Variants in GRM3 observed in about 807,000 individuals in gnomAD.
The protein encoded by GRM3 is glutamate metabotropic receptor 3, also known as metabotropic glutamate receptor 3.
Under a neutral mutation model 70.5 loss-of-function variants are expected in GRM3, and 26 were observed. That is an observed-to-expected ratio of 0.37 (90% CI 0.27 to 0.51). GRM3 has a LOEUF of 0.51. GRM3 is among the 20% of genes least tolerant of loss of function. The pLI, the probability that GRM3 is intolerant of heterozygous loss-of-function variation, is 0.93. For missense variants in GRM3, 859 were observed against 1,123.8 expected, an observed-to-expected ratio of 0.76 and a Z score of 3.37; for synonymous variants, 443 against 434.9, an observed-to-expected ratio of 1.02 and a Z score of -0.23.
intron 3 of GRM3, among the ~76,000 whole-genome samples, chr7:86,799,267 GT>G (rs1797626674): frequency 6.6e-6 from 1 of 152,112 alleles, no homozygotes; most frequent in Admixed American, 6.5e-5. Flanking sequence ...AGACGATGAG[GT>G]TTTCTAAAGA....
intron 1 of GRM3, among the ~76,000 whole-genome samples, chr7:86,647,735 CATAAA>C (rs1029121692): frequency 3.3e-5 from 5 of 152,174 alleles, no homozygotes; most frequent in African/African-American, 1.2e-4. Context: ...AGTCTGAACA[CATAAA>C]ATGAGTATCA....
chr7:86,835,301 G>GA (rs1026763817), intron 3 of GRM3, among the ~76,000 whole-genome samples: 4 of 151,588 alleles, frequency 2.6e-5, no homozygotes, highest in Admixed American at 6.6e-5. Context: ...AGCCATTTGA[G>GA]AAAAAAAATG....
intron 3 of GRM3, among the ~76,000 whole-genome samples, chr7:86,820,119 T>C (rs772097994): frequency 6.6e-6 from 1 of 152,176 alleles, no homozygotes; most frequent in Non-Finnish European, 1.5e-5. Context: ...TATAATCAAT[T>C]ATCACACTGT....
chr7:86,839,375 G>A lies in GRM3; in HGVS notation c.1861G>A (p.Gly621Arg). ...GRELCYILLFGVGLSYCMTFF... is the reference protein window; with the variant it reads ...GRELCYILLFRVGLSYCMTFF... ...AGAACTCTGCTACATCTTATTGTTTGGGGTTGGCCTGTCATACTGCATGAC... is the reference window on the plus strand; with the variant it reads ...AGAACTCTGCTACATCTTATTGTTTAGGGTTGGCCTGTCATACTGCATGAC... Residue 621 changes from glycine (G) to arginine (R), a missense_variant, in exon 4 of 6, where the codon GGG becomes AGG. By Grantham distance (125) the Gly-to-Arg change is moderately radical (BLOSUM62 -2). Coordinates refer to ENST00000361669, the MANE Select transcript of GRM3 (RefSeq NM_000840.3). The surrounding 1 kb of genome is among the most constrained non-coding windows in gnomAD (Gnocchi z 4.5). The A allele has an allele frequency of 4.3e-6, 7 of 1,614,032 alleles. No homozygotes were observed. Among genetic ancestry groups the A allele is most frequent in the Non-Finnish European group, 5.9e-6 (7 of 1,179,994 alleles).
chr7:86,785,685 A>ATTTTTTTT lies in GRM3; in HGVS notation c.469-550_469-543dup, dbSNP rs749456155. Among the ~76,000 whole-genome samples the ATTTTTTTT allele has an allele frequency of 6.0e-4, 39 of 65,240 alleles. 4 individuals carry two copies. The highest frequency in any genetic ancestry group is 2.0e-3 in the East Asian group (3 of 1,534). 42.8% of individuals were successfully genotyped at this position (65,240 alleles called of 152,430 possible). A position where few individuals can be genotyped will look rare whatever the true frequency, so the allele number is the denominator to read the frequency against. ...TTGGGTGGTGGACTAAATAGAATTG[A>ATTTTTTTT]TTTTTTTTTTTTTTTTTTTTTTTTT... On this transcript the variant is annotated intron_variant, in intron 2 of 5. Transcript: ENST00000361669.
At chr7:86,694,511 C>CAA (rs1226119828) in intron 1 of GRM3, among the ~76,000 whole-genome samples, 413 of 36,602 alleles carry the variant, frequency 0.011, 4 homozygotes, top group Middle Eastern at 0.017. Context: ...GACTCTGTCT[C>CAA]AAAAAAAAAA....
At chr7:86,693,474 C>T (rs1794741488) in intron 1 of GRM3, among the ~76,000 whole-genome samples, 1 of 151,984 alleles carries the variant, frequency 6.6e-6, no homozygotes, top group Admixed American at 6.6e-5. Flanking sequence ...ACACATGGAC[C>T]AGGATTCAAT....
intron 1 of GRM3, among the ~76,000 whole-genome samples, chr7:86,750,002 A>G (rs931222122): frequency 5.3e-5 from 8 of 152,058 alleles, no homozygotes; most frequent in African/African-American, 1.9e-4. Context: ...AAATCTTGGA[A>G]AGAGTAAATG....
At chr7:86,692,996 G>C (rs887359973) in intron 1 of GRM3, among the ~76,000 whole-genome samples, 1 of 152,128 alleles carries the variant, frequency 6.6e-6, no homozygotes, top group African/African-American at 2.4e-5. Flanking sequence ...AAAAAATAAA[G>C]GCAGTTTTCA....
At chr7:86,686,454 CA>C (rs530376604) in intron 1 of GRM3, among the ~76,000 whole-genome samples, 39 of 152,258 alleles carry the variant, frequency 2.6e-4, no homozygotes, top group Non-Finnish European at 4.6e-4. Flanking sequence ...TATAAATCAC[CA>C]GGGGGTTGCA....
intron 1 of GRM3, among the ~76,000 whole-genome samples, chr7:86,706,662 A>G (rs755366117): frequency 9.2e-5 from 14 of 152,028 alleles, no homozygotes; most frequent in Non-Finnish European, 1.8e-4. Flanking sequence ...AGCCAAGTGC[A>G]CAGTTGTTGA....
intron 1 of GRM3, among the ~76,000 whole-genome samples, chr7:86,672,482 T>A (rs987175824): frequency 1.3e-5 from 2 of 152,236 alleles, no homozygotes; most frequent in African/African-American, 4.8e-5. Flanking sequence ...TCTTCTTGCC[T>A]AGCTTCCCCT....
At chr7:86,646,007 G>T (rs1793458862) in intron 1 of GRM3, among the ~76,000 whole-genome samples, 1 of 33,916 alleles carries the variant, frequency 2.9e-5, no homozygotes, top group African/African-American at 9.2e-5. Flanking sequence ...GTGGGGGGGT[G>T]GGGGGGGGTG....
intron 1 of GRM3, among the ~76,000 whole-genome samples, chr7:86,701,589 C>A (rs2116099880): frequency 6.6e-6 from 1 of 151,822 alleles, no homozygotes; most frequent in East Asian, 1.9e-4. Flanking sequence ...CCATAATTTG[C>A]CCACCTATTA....
intron 1 of GRM3, among the ~76,000 whole-genome samples, chr7:86,687,089 GA>G (rs1794585522): frequency 6.6e-6 from 1 of 151,752 alleles, no homozygotes; most frequent in Non-Finnish European, 1.5e-5. Context: ...GAAAATCTAG[GA>G]AAAAAGTCAG....
chr7:86,770,464 T>C (rs929170990), intron 2 of GRM3, among the ~76,000 whole-genome samples: 2 of 152,084 alleles, frequency 1.3e-5, no homozygotes, highest in Non-Finnish European at 2.9e-5. Context: ...TGACATGACA[T>C]GCATTGTTCA....
At chr7:86,779,161 A>G (rs149212732) in intron 2 of GRM3, among the ~76,000 whole-genome samples, 98 of 152,318 alleles carry the variant, frequency 6.4e-4, no homozygotes, top group African/African-American at 2.1e-3. Context: ...ATCATTCCAC[A>G]ATTGGCTATT....
chr7:86,791,365 A>G (rs1797413084), intron 3 of GRM3, among the ~76,000 whole-genome samples: 1 of 152,226 alleles, frequency 6.6e-6, no homozygotes, highest in African/African-American at 2.4e-5. Flanking sequence ...AAAGTGTATG[A>G]CTTCTAGAGT....
intron 1 of GRM3, among the ~76,000 whole-genome samples, chr7:86,758,756 G>A (rs980627183): frequency 3.3e-5 from 5 of 152,114 alleles, no homozygotes; most frequent in African/African-American, 1.2e-4. Flanking sequence ...AATAGGAGAT[G>A]AATAGGAGAT....
Sources: allele counts gnomAD v4.1 joint callset (sites outside exome capture counted in the v4.1 genomes callset), GRCh38; gene constraint gnomAD v4.1.1; non-coding constraint Gnocchi (gnomAD v3.1); transcripts MANE v1.5; gene names NCBI Gene and HGNC (gene_info 2026-07-23, HGNC 2026-07-21).